CSRNP3: variants seen among roughly 807,000 people sequenced by gnomAD.
CSRNP3 encodes the protein cysteine/serine-rich nuclear protein 3.
In CSRNP3, 12 loss-of-function variants were observed where a neutral mutation model predicts 48.0. The ratio of observed to expected loss-of-function variants is 0.25; its 90% CI spans 0.16 to 0.41. The LOEUF (loss-of-function observed/expected upper bound fraction) is 0.41, where lower values mean the gene tolerates loss of function less well. Ranked by LOEUF, CSRNP3 falls within the 10% of genes least tolerant of loss-of-function variation. The probability of loss-of-function intolerance (pLI) is 1.00; values close to 1 mark genes in which losing one functional copy is unlikely to be tolerated. For synonymous variants in CSRNP3, 263 were observed against 269.7 expected (o/e 0.98, Z 0.24); for missense variants, 580 against 724.4 (o/e 0.80, Z 2.29).
chr2:165,525,953 T>C (rs1295125776), intron 3 of CSRNP3, among the ~76,000 whole-genome samples: 1 of 152,242 alleles, frequency 6.6e-6, no homozygotes, highest in Non-Finnish European at 1.5e-5. Flanking sequence ...TTTACTTATG[T>C]GCTTACGGAC....
chr2:165,473,992 C>T (rs1683926618), intron 1 of CSRNP3, among the ~76,000 whole-genome samples: 2 of 151,922 alleles, frequency 1.3e-5, no homozygotes, highest in South Asian at 2.1e-4. Flanking sequence ...CATATCATGG[C>T]CTGAAAAGAA....
At chr2:165,658,817 A>T (rs1573950306) in intron 5 of CSRNP3, among the ~76,000 whole-genome samples, 1 of 152,110 alleles carries the variant, frequency 6.6e-6, no homozygotes, top group Non-Finnish European at 1.5e-5. Flanking sequence ...GGGGAACTGC[A>T]CCCATGATTC....
chr2:165,482,912 T>C (rs891420230), intron 1 of CSRNP3, among the ~76,000 whole-genome samples: 6 of 152,182 alleles, frequency 3.9e-5, no homozygotes. Context: ...GTCCCCATTC[T>C]TGTTCTAGGT....
chr2:165,528,303 T>C (rs950238587), intron 3 of CSRNP3, among the ~76,000 whole-genome samples: 2 of 152,254 alleles, frequency 1.3e-5, no homozygotes, highest in African/African-American at 2.4e-5. Context: ...CTTCCTTTGC[T>C]GTGCAAAACT....
chr2:165,528,088 A>G (rs1412251412), intron 3 of CSRNP3, among the ~76,000 whole-genome samples: 1 of 152,208 alleles, frequency 6.6e-6, no homozygotes, highest in African/African-American at 2.4e-5. Context: ...ATAAATTAGC[A>G]AAGTTTTTTT....
intron 2 of CSRNP3, among the ~76,000 whole-genome samples, chr2:165,504,842 A>G (rs971907126): frequency 2.0e-5 from 3 of 152,110 alleles, no homozygotes; most frequent in Non-Finnish European, 4.4e-5. Context: ...GCAAGGGCTA[A>G]TGGAGCACAC....
chr2:165,626,275 A>G (rs994471357), intron 4 of CSRNP3, among the ~76,000 whole-genome samples: 1 of 152,134 alleles, frequency 6.6e-6, no homozygotes, highest in African/African-American at 2.4e-5. Flanking sequence ...TGAGGGTAAG[A>G]AAAGGCTTTG....
At chr2:165,557,785 C>G (rs549509712) in intron 3 of CSRNP3, among the ~76,000 whole-genome samples, 1 of 152,182 alleles carries the variant, frequency 6.6e-6, no homozygotes, top group Non-Finnish European at 1.5e-5. Context: ...AGGTGAAACT[C>G]TATTATAAGC....
intron 2 of CSRNP3, among the ~76,000 whole-genome samples, chr2:165,507,895 T>C (rs1684449976): frequency 6.6e-6 from 1 of 152,120 alleles, no homozygotes; most frequent in African/African-American, 2.4e-5. Flanking sequence ...TTTAAGAGAA[T>C]AAAACTTGTC....
chr2:165,599,265 A>G (rs1192892556), intron 4 of CSRNP3, among the ~76,000 whole-genome samples: 2 of 83,162 alleles, frequency 2.4e-5, no homozygotes, highest in African/African-American at 8.4e-5. Context: ...AAGAAAGAAA[A>G]AGAAAGAAAG....
intron 3 of CSRNP3, among the ~76,000 whole-genome samples, chr2:165,537,550 TTATTA>T (rs1684897058): frequency 6.6e-6 from 1 of 151,386 alleles, no homozygotes; most frequent in African/African-American, 2.4e-5. Flanking sequence ...AATGGAAAAA[TTATTA>T]TTACCTTTAC....
At position 165,687,660 on chromosome 2, in the gene CSRNP3, C is replaced by G. The variant is rs901194442; in HGVS notation, c.*7907C>G. On this transcript the variant is annotated 3_prime_UTR_variant, in exon 7 of 7. Transcript: ENST00000651982. ...GCCACCATTTGATCCCAGCCTTTGT[C>G]CTTGTGTTATTTAAACAATGGCTTC... 3 of 151,864 alleles carry G rather than the reference C, an allele frequency of 2.0e-5. No individual in the cohort carries two copies. Among genetic ancestry groups the G allele is most frequent in the South Asian group, 2.1e-4 (1 of 4,800 alleles). 9.4% of individuals were successfully genotyped at this position (151,864 alleles called of 1,614,324 possible).
chr2:165,649,252 T>C (rs1686866293), intron 4 of CSRNP3, among the ~76,000 whole-genome samples: 1 of 152,216 alleles, frequency 6.6e-6, no homozygotes, highest in Non-Finnish European at 1.5e-5. Context: ...TTTTTCTTTG[T>C]AAACTAGCAA....
intron 3 of CSRNP3, among the ~76,000 whole-genome samples, chr2:165,541,478 G>A (rs1052828936): frequency 6.6e-6 from 1 of 151,962 alleles, no homozygotes; most frequent in Non-Finnish European, 1.5e-5. Context: ...GAAGCTGGAG[G>A]TCTCTCTACC....
intron 3 of CSRNP3, among the ~76,000 whole-genome samples, chr2:165,550,843 T>G (rs1037335201): frequency 3.9e-5 from 6 of 152,146 alleles, no homozygotes; most frequent in Non-Finnish European, 8.8e-5. Context: ...GCTTTCAGAG[T>G]CGATTGTTCT....
intron 3 of CSRNP3, among the ~76,000 whole-genome samples, chr2:165,520,779 TATA>T (rs1684643676): frequency 2.1e-4 from 2 of 9,370 alleles, no homozygotes; most frequent in Non-Finnish European, 3.2e-4. Context: ...ATTATATATA[TATA>T]TTATATATAT....
chr2:165,479,606 A>G (rs913277081), intron 1 of CSRNP3, among the ~76,000 whole-genome samples: 13 of 152,178 alleles, frequency 8.5e-5, no homozygotes, highest in African/African-American at 3.1e-4. Context: ...TAATCAGCTT[A>G]TATTACTGTA....
Position 165,546,503 on chromosome 2 carries a change from G to C in CSRNP3, c.-24+28542G>C, listed in dbSNP as rs1250421602. ...ACCAAGCCTAGCCTCTCTGTCTTCT[G>C]TAACGCTGGTACTCTGCATACAAAT... On this transcript the variant is annotated intron_variant, in intron 3 of 6. Transcript: ENST00000651982. Among the ~76,000 whole-genome samples, 14 of 152,176 alleles carry C rather than the reference G, an allele frequency of 9.2e-5. No homozygotes were observed. The East Asian group carries it at 2.7e-3, about 29-fold the overall frequency.
intron 1 of CSRNP3, among the ~76,000 whole-genome samples, chr2:165,488,729 A>C: frequency 5.1e-5 from 6 of 117,944 alleles, no homozygotes; most frequent in African/African-American, 2.1e-4. Context: ...GCAGAAATAA[A>C]GATGTTCTTT....
Sources: gnomAD v4.1 joint callset for allele counts (sites outside exome capture counted in the v4.1 genomes callset) on GRCh38, gnomAD v4.1.1 for gene constraint, MANE v1.5 for transcripts, NCBI Gene and HGNC (gene_info 2026-07-23, HGNC 2026-07-21) for gene names.